Variants in ANKMY2 observed in about 807,000 individuals in gnomAD.
The protein encoded by ANKMY2 is ankyrin repeat and MYND domain-containing protein 2.
ANKMY2 carries 36 observed loss-of-function variants against 50.4 expected under a neutral mutation model. The ratio of observed to expected loss-of-function variants is 0.71; its 90% confidence interval spans 0.55 to 0.94. ANKMY2 has a LOEUF of 0.94. ANKMY2 is among the 40% of genes least tolerant of loss of function. The probability of loss-of-function intolerance (pLI) is 0.00; values close to 1 mark genes in which losing one functional copy is unlikely to be tolerated. For synonymous variants in ANKMY2, 187 were observed against 178.8 expected, an observed-to-expected ratio of 1.05 and a Z score of -0.36; for missense variants, 565 against 524.0, an observed-to-expected ratio of 1.08 and a Z score of -0.76.
chr7:16,644,061 G>A (rs1781781417), intron 1 of ANKMY2, among the ~76,000 whole-genome samples: 1 of 152,104 alleles, frequency 6.6e-6, no homozygotes, highest in Non-Finnish European at 1.5e-5. Context: ...TACTAGCTCT[G>A]TCCTGCCTAA....
At chr7:16,618,283 T>C (rs1177332773) in intron 4 of ANKMY2, among the ~76,000 whole-genome samples, 1 of 152,088 alleles carries the variant, frequency 6.6e-6, no homozygotes, top group Non-Finnish European at 1.5e-5. Context: ...ACAGACACCC[T>C]GTTTCAACAA....
At chr7:16,618,765 G>A (rs1279215117) in intron 4 of ANKMY2, among the ~76,000 whole-genome samples, 1 of 152,194 alleles carries the variant, frequency 6.6e-6, no homozygotes, top group African/African-American at 2.4e-5. Context: ...TCTAATGCAA[G>A]TGGGTTATGA....
intron 8 of ANKMY2, among the ~76,000 whole-genome samples, chr7:16,603,255 T>C (rs558283510): frequency 9.9e-5 from 15 of 152,040 alleles, no homozygotes; most frequent in Admixed American, 8.5e-4. Context: ...AAAAGAAAGA[T>C]ATGGAAGAAG....
intron 6 of ANKMY2, among the ~76,000 whole-genome samples, chr7:16,610,269 G>A (rs113533913): frequency 8.5e-5 from 13 of 152,196 alleles, no homozygotes; most frequent in Middle Eastern, 6.8e-3. Flanking sequence ...CCACTTTCTC[G>A]CGGTGTGATC....
At chr7:16,614,755 C>T (rs1015667586) in intron 5 of ANKMY2, among the ~76,000 whole-genome samples, 4 of 152,178 alleles carry the variant, frequency 2.6e-5, no homozygotes, top group Admixed American at 6.5e-5. Context: ...ATGATAGTAA[C>T]GCCTTATGTT....
At chr7:16,625,170 C>T (rs1781492392) in intron 3 of ANKMY2, 89 bp from the exon 4 acceptor site, 16 of 961,754 alleles carry the variant, frequency 1.7e-5, no homozygotes, top group Non-Finnish European at 2.5e-5. Context: ...CTTTATTCCC[C>T]CAGTTAGTTT....
In ANKMY2 at chr7:16,606,686, T is replaced by C. The variant is rs368663050; in HGVS notation, c.883-1837A>G. ...ATATTATCTTACCAACTGTACATAA[T>C]AGAGGTTTAAAAATATCACCTGGTA... On this transcript the variant is annotated intron_variant, in intron 7 of 9. Transcript: ENST00000306999. 3.9e-5 allele frequency among the ~76,000 whole-genome samples: 6 copies of C among 152,366 alleles called. No individual in the cohort carries two copies. In the East Asian group the frequency reaches 9.6e-4, roughly 24 times the overall value.
chr7:16,641,175 A>C (rs1781739858), intron 1 of ANKMY2, among the ~76,000 whole-genome samples: 1 of 152,150 alleles, frequency 6.6e-6, no homozygotes, highest in Admixed American at 6.5e-5. Flanking sequence ...CAGAGGTTGC[A>C]GTGAGCCGAG....
intron 2 of ANKMY2, among the ~76,000 whole-genome samples, chr7:16,629,308 G>A (rs1781546574): frequency 6.6e-6 from 1 of 152,176 alleles, no homozygotes; most frequent in Non-Finnish European, 1.5e-5. Context: ...GGCTGAGGTG[G>A]GCAGATCACT....
chr7:16,600,709 T>A lies in ANKMY2; in HGVS notation c.*52A>T. On this transcript the variant is annotated 3_prime_UTR_variant, in exon 10 of 10. Transcript: ENST00000306999. ...TGAGGACAATGCATTCCTAGGAGTT[T>A]TCCAGCTTCTTGCAGGGTGAGGATC... The A allele has an allele frequency of 6.7e-7, 1 of 1,492,492 alleles. No homozygotes were observed. Among genetic ancestry groups the A allele is most frequent in the East Asian group, 2.3e-5 (1 of 42,862 alleles). 92.5% of individuals were successfully genotyped at this position (1,492,492 alleles called of 1,614,324 possible).
intron 1 of ANKMY2, among the ~76,000 whole-genome samples, chr7:16,637,646 G>A (rs1292716403): frequency 6.6e-6 from 1 of 152,186 alleles, no homozygotes; most frequent in Non-Finnish European, 1.5e-5. Context: ...TTGTGTGTGT[G>A]AGCATGCGAG....
chr7:16,631,535 A>C (rs2128345574), intron 2 of ANKMY2, among the ~76,000 whole-genome samples: 1 of 152,256 alleles, frequency 6.6e-6, no homozygotes, highest in African/African-American at 2.4e-5. Context: ...CAGCTTTTGA[A>C]GGTGGTAGGA....
rs114081807 is a variant in ANKMY2 at position 16,640,625 on chromosome 7, A to G, written c.68-4170T>C. 4.9e-3 allele frequency among the ~76,000 whole-genome samples: 753 copies of G among 152,274 alleles called. 5 individuals carry two copies. Among genetic ancestry groups the G allele is most frequent in the African/African-American group, 0.018 (730 of 41,552 alleles). Reference sequence around the variant, plus strand: ...CAGCCTTGAATTCCTGGGTTCAAGCAATCCTCCTGCCTCAGACTCTTGAGG... The same window carrying G: ...CAGCCTTGAATTCCTGGGTTCAAGCGATCCTCCTGCCTCAGACTCTTGAGG... On this transcript the variant is annotated intron_variant, in intron 1 of 9. Coordinates refer to ENST00000306999, the MANE Select transcript of ANKMY2 (RefSeq NM_020319.3).
At chr7:16,639,758 G>T (rs577068940) in intron 1 of ANKMY2, among the ~76,000 whole-genome samples, 1 of 152,252 alleles carries the variant, frequency 6.6e-6, no homozygotes, top group South Asian at 2.1e-4. Context: ...ATCCAGCCTA[G>T]GCAATAAAGT....
chr7:16,629,550 A>T (rs1781551035), intron 2 of ANKMY2, among the ~76,000 whole-genome samples: 1 of 151,972 alleles, frequency 6.6e-6, no homozygotes, highest in African/African-American at 2.4e-5. Flanking sequence ...AAAAAAAGGT[A>T]AATGTCTATC....
At chr7:16,603,537 T>C in intron 8 of ANKMY2, 2 of 444,506 alleles carry the variant, frequency 4.5e-6, no homozygotes, top group African/African-American at 2.0e-5. Flanking sequence ...ATGAATGTTA[T>C]TAAACACTTA....
chr7:16,629,981 A>G (rs998962801), intron 2 of ANKMY2, among the ~76,000 whole-genome samples: 6 of 152,306 alleles, frequency 3.9e-5, no homozygotes, highest in African/African-American at 1.4e-4. Context: ...ATAGTATTTC[A>G]GTGTAAATAT....
At chr7:16,610,927 G>A (rs986839594) in intron 5 of ANKMY2, among the ~76,000 whole-genome samples, 164 bp from the exon 6 acceptor site, 1 of 152,156 alleles carries the variant, frequency 6.6e-6, no homozygotes, top group Non-Finnish European at 1.5e-5. Flanking sequence ...AGAACTTATA[G>A]AACTAATATA....
At chr7:16,613,822 G>C (rs1157962309) in intron 5 of ANKMY2, among the ~76,000 whole-genome samples, 1 of 151,136 alleles carries the variant, frequency 6.6e-6, no homozygotes, top group Non-Finnish European at 1.5e-5. Context: ...TGTAATCCCA[G>C]CTACTCAGGA....
Sources: allele counts gnomAD v4.1 joint callset (sites outside exome capture counted in the v4.1 genomes callset), GRCh38; gene constraint gnomAD v4.1.1; transcripts MANE v1.5; gene names NCBI Gene and HGNC (gene_info 2026-07-23, HGNC 2026-07-21).